Variants in OTOGL observed in about 807,000 individuals in gnomAD.
OTOGL encodes the protein otogelin like.
In OTOGL, 285 loss-of-function variants were observed where a neutral mutation model predicts 318.5. That is an observed-to-expected ratio of 0.89 (90% confidence interval 0.81 to 0.99). The LOEUF (loss-of-function observed/expected upper bound fraction) is 0.99. Ranked by LOEUF, OTOGL falls within the 50% of genes least tolerant of loss-of-function variation. The pLI is 0.00. For missense variants in OTOGL, 2,899 were observed against 2,845.6 expected (o/e 1.02, Z -0.43); for synonymous variants, 987 against 936.5 (o/e 1.05, Z -0.99).
chr12:80,362,329 A>T (rs1890281149), intron 52 of OTOGL, among the ~76,000 whole-genome samples: 1 of 152,044 alleles, frequency 6.6e-6, no homozygotes, highest in Non-Finnish European at 1.5e-5. Context: ...ATTCTGTTTT[A>T]TTGGTCTATG....
At chr12:80,304,071 G>A (rs1885950802) in intron 28 of OTOGL, among the ~76,000 whole-genome samples, 1 of 152,088 alleles carries the variant, frequency 6.6e-6, no homozygotes. Context: ...CATATAAATG[G>A]AATTGTACAA....
At chr12:80,139,554 A>C (rs934227695) in intron 1 of OTOGL, among the ~76,000 whole-genome samples, 1 of 151,730 alleles carries the variant, frequency 6.6e-6, no homozygotes, top group Non-Finnish European at 1.5e-5. Context: ...TCTTTGATCC[A>C]CTAAGTTTTT....
intron 42 of OTOGL, among the ~76,000 whole-genome samples, chr12:80,337,311 C>G (rs1359696371): frequency 6.6e-6 from 1 of 151,636 alleles, no homozygotes; most frequent in Non-Finnish European, 1.5e-5. Flanking sequence ...CGTTCCAAAT[C>G]AGACAGAGTG....
chr12:80,159,580 A>C (rs1346108875), intron 1 of OTOGL, among the ~76,000 whole-genome samples: 1 of 152,146 alleles, frequency 6.6e-6, no homozygotes, highest in African/African-American at 2.4e-5. Flanking sequence ...ACTACAAAAC[A>C]CTGCTGAAAG....
intron 34 of OTOGL, 144 bp downstream of exon 34, chr12:80,320,844 A>G (rs1887287605): frequency 1.3e-6 from 1 of 755,302 alleles, no homozygotes; most frequent in Admixed American, 3.0e-5. Flanking sequence ...TAACCTCTAT[A>G]CCCCTCTATA....
At chr12:80,372,392 T>G (rs1466832789) in intron 57 of OTOGL, among the ~76,000 whole-genome samples, 1 of 152,008 alleles carries the variant, frequency 6.6e-6, no homozygotes, top group Non-Finnish European at 1.5e-5. Flanking sequence ...TTCATAAGAT[T>G]TCAGTATATT....
At chr12:80,249,472 T>C (rs1311661909) in intron 11 of OTOGL, among the ~76,000 whole-genome samples, 7 of 151,544 alleles carry the variant, frequency 4.6e-5, no homozygotes, top group South Asian at 2.1e-4. Context: ...CCAGTTAGGC[T>C]GCTCGGGGGT....
chr12:80,197,420 T>C (rs934306986), intron 1 of OTOGL, among the ~76,000 whole-genome samples: 20 of 152,070 alleles, frequency 1.3e-4, no homozygotes, highest in African/African-American at 4.6e-4. Flanking sequence ...GAGACAGGGT[T>C]TCACCATGTT....
chr12:80,127,054 ATTG>A (rs1202353551), intron 1 of OTOGL, among the ~76,000 whole-genome samples: 1 of 152,146 alleles, frequency 6.6e-6, no homozygotes, highest in Non-Finnish European at 1.5e-5. Context: ...TAAGGTTGAT[ATTG>A]TTATGTGTGA....
intron 24 of OTOGL, among the ~76,000 whole-genome samples, chr12:80,275,178 A>G (rs1018339652): frequency 2.0e-5 from 3 of 152,010 alleles, no homozygotes; most frequent in Non-Finnish European, 2.9e-5. Flanking sequence ...AAAATTGAAA[A>G]TATTTTGGAG....
rs1358975157 is a variant in OTOGL at position 80,170,191 on chromosome 12, GTGTGTGTGTGTGTGTGTGTGTGTATGTA to G, written c.-19-39208_-19-39181del. 6.9e-3 allele frequency among the ~76,000 whole-genome samples: 936 copies of G among 135,230 alleles called. 7 individuals are homozygous for G. The highest frequency in any genetic ancestry group is 0.028 in the African/African-American group (782 of 27,658). The allele number at this position is 135,230 out of a possible 152,430, so 88.7% of individuals were successfully genotyped here. A position where few individuals can be genotyped will look rare whatever the true frequency, so the allele number is the denominator to read the frequency against. On this transcript the variant is annotated intron_variant, in intron 1 of 58. Coordinates refer to ENST00000547103, the MANE Select transcript of OTOGL (RefSeq NM_001378609.3). ...CACTTTGTCAGGGGTGTGTGTGTGTGTGTGTGTGTGTGTGTGTGTGTGTATGTATGTGTGTGTGTGTATGTATGTATGT... is the reference window on the plus strand; with the variant it reads ...CACTTTGTCAGGGGTGTGTGTGTGTGTGTGTGTGTGTGTATGTATGTATGT...
chr12:80,250,873 C>T (rs1053017955), intron 11 of OTOGL, among the ~76,000 whole-genome samples: 2 of 152,036 alleles, frequency 1.3e-5, no homozygotes, highest in African/African-American at 4.8e-5. Context: ...TGATAAGTGC[C>T]TTGTTAATCT....
At chr12:80,156,193 A>G (rs1313107892) in intron 1 of OTOGL, among the ~76,000 whole-genome samples, 1 of 152,222 alleles carries the variant, frequency 6.6e-6, no homozygotes, top group Non-Finnish European at 1.5e-5. Flanking sequence ...CGTGGCCAGA[A>G]TGGAAGCAGG....
intron 1 of OTOGL, among the ~76,000 whole-genome samples, chr12:80,125,111 G>T (rs1193747931): frequency 3.3e-5 from 5 of 152,230 alleles, no homozygotes; most frequent in Non-Finnish European, 7.3e-5. Flanking sequence ...TCCCTGTCTT[G>T]TGCTGGTTTT....
intron 56 of OTOGL, among the ~76,000 whole-genome samples, chr12:80,371,384 G>A (rs563534201): frequency 6.6e-5 from 10 of 151,874 alleles, no homozygotes; most frequent in African/African-American, 2.4e-4. Context: ...ACGGCTGGCT[G>A]GCTAGCTAGA....
At chr12:80,284,740 A>G (rs1208613070) in intron 26 of OTOGL, among the ~76,000 whole-genome samples, 1 of 151,352 alleles carries the variant, frequency 6.6e-6, no homozygotes, top group Non-Finnish European at 1.5e-5. Flanking sequence ...GTCTTTTCCT[A>G]GTAAATTTGT....
At chr12:80,187,259 G>A (rs1470669207) in intron 1 of OTOGL, among the ~76,000 whole-genome samples, 2 of 150,576 alleles carry the variant, frequency 1.3e-5, no homozygotes, top group Non-Finnish European at 3.0e-5. Flanking sequence ...TGGCCAGGTT[G>A]TTTTTGTTTT....
At chr12:80,190,780 C>A (rs572125651) in intron 1 of OTOGL, among the ~76,000 whole-genome samples, 1 of 102,708 alleles carries the variant, frequency 9.7e-6, no homozygotes, top group South Asian at 3.6e-4. Flanking sequence ...GAGTGAGACT[C>A]CGTCTCAAAA....
At chr12:80,101,157 C>T (rs370249940) in intron 1 of OTOGL, among the ~76,000 whole-genome samples, 2 of 152,112 alleles carry the variant, frequency 1.3e-5, no homozygotes, top group African/African-American at 4.8e-5. Context: ...TTAAGATGTT[C>T]CTGCAGAATC....
Sources: gnomAD v4.1 joint callset for allele counts (sites outside exome capture counted in the v4.1 genomes callset) on GRCh38, gnomAD v4.1.1 for gene constraint, MANE v1.5 for transcripts, NCBI Gene and HGNC (gene_info 2026-07-23, HGNC 2026-07-21) for gene names.